PRKG1: variants seen among roughly 807,000 people sequenced by gnomAD.
PRKG1 encodes the protein protein kinase cGMP-dependent 1.
In PRKG1, 35 loss-of-function variants were observed where a neutral mutation model predicts 88.1. That is an observed-to-expected ratio of 0.40 (90% CI 0.30 to 0.53). The LOEUF (loss-of-function observed/expected upper bound fraction) is 0.53. Among genes scored for constraint, PRKG1 ranks in the 20% least tolerant of loss-of-function variants. The probability of loss-of-function intolerance (pLI) is 0.59; values close to 1 mark genes in which losing one functional copy is unlikely to be tolerated. For missense variants in PRKG1, 540 were observed against 839.8 expected (o/e 0.64, Z 4.41); for synonymous variants, 303 against 292.5 (o/e 1.04, Z -0.37).
At chr10:51,498,383 C>T (rs1840923061) in intron 3 of PRKG1, among the ~76,000 whole-genome samples, 1 of 152,130 alleles carries the variant, frequency 6.6e-6, no homozygotes. Flanking sequence ...GCTATGTTTA[C>T]ATTTCTCAAG....
intron 5 of PRKG1, among the ~76,000 whole-genome samples, chr10:52,043,902 G>T (rs1232097167): frequency 2.4e-5 from 3 of 124,410 alleles, no homozygotes; most frequent in African/African-American, 8.7e-5. Flanking sequence ...TCATTGAAGA[G>T]CCCAGTTAAA....
At chr10:51,233,435 C>A (rs1379583259) in intron 2 of PRKG1, among the ~76,000 whole-genome samples, 1 of 152,128 alleles carries the variant, frequency 6.6e-6, no homozygotes, top group Non-Finnish European at 1.5e-5. Context: ...AAAGACTAGA[C>A]AACCTTCAGT....
At chr10:51,461,130 G>A (rs865923204) in intron 2 of PRKG1, among the ~76,000 whole-genome samples, 2 of 152,042 alleles carry the variant, frequency 1.3e-5, no homozygotes, top group African/African-American at 4.8e-5. Flanking sequence ...TTAGTATAAC[G>A]AAAATTGTTT....
At chr10:52,106,744 T>TAATAATAATAATAATAAA (rs1268365466) in intron 7 of PRKG1, among the ~76,000 whole-genome samples, 1 of 133,440 alleles carries the variant, frequency 7.5e-6, no homozygotes, top group African/African-American at 2.6e-5. Flanking sequence ...ATAATAATAA[T>TAATAATAATAATAATAAA]AATAAAGTAA....
At chr10:52,112,431 C>T (rs11000807) in intron 7 of PRKG1, among the ~76,000 whole-genome samples, 1 of 151,934 alleles carries the variant, frequency 6.6e-6, no homozygotes, top group Non-Finnish European at 1.5e-5. Flanking sequence ...TCTAGTGTGA[C>T]TCATAAAGGG....
At chr10:51,850,712 T>C (rs1333103497) in intron 4 of PRKG1, among the ~76,000 whole-genome samples, 1 of 152,074 alleles carries the variant, frequency 6.6e-6, no homozygotes, top group Non-Finnish European at 1.5e-5. Flanking sequence ...AGCAGATAGT[T>C]TTTAAACGTA....
intron 1 of PRKG1, among the ~76,000 whole-genome samples, chr10:51,051,774 A>G (rs1046936514): frequency 2.0e-5 from 3 of 152,164 alleles, no homozygotes; most frequent in Non-Finnish European, 4.4e-5. Context: ...ACCTAGCGAC[A>G]TCTTAGATGA....
chr10:51,957,539 C>T (rs1017881355), intron 5 of PRKG1, among the ~76,000 whole-genome samples: 1 of 152,078 alleles, frequency 6.6e-6, no homozygotes, highest in African/African-American at 2.4e-5. Flanking sequence ...GCAATCTTCC[C>T]ATACTGGCTT....
At chr10:51,861,995 G>C (rs1208185426) in intron 4 of PRKG1, among the ~76,000 whole-genome samples, 1 of 152,132 alleles carries the variant, frequency 6.6e-6, no homozygotes, top group Non-Finnish European at 1.5e-5. Context: ...CTTGCATCTA[G>C]ATGAAGGGAA....
At chr10:51,533,185 T>C (rs1842058931) in intron 3 of PRKG1, among the ~76,000 whole-genome samples, 2 of 152,264 alleles carry the variant, frequency 1.3e-5, no homozygotes, top group Admixed American at 1.3e-4. Flanking sequence ...ATTGAAACTT[T>C]AGTTTATTAA....
chr10:52,107,148 TG>T (rs1847446367), intron 7 of PRKG1, among the ~76,000 whole-genome samples: 5 of 152,210 alleles, frequency 3.3e-5, no homozygotes, highest in South Asian at 4.1e-4. Flanking sequence ...CTGACCATTT[TG>T]TCATAGAAAC....
chr10:51,188,177 A>G (rs549434157), intron 2 of PRKG1, among the ~76,000 whole-genome samples: 3 of 152,126 alleles, frequency 2.0e-5, no homozygotes, highest in Non-Finnish European at 2.9e-5. Flanking sequence ...AGCTGTGTTT[A>G]TTGGCTGCCC....
At chr10:52,083,692 T>C (rs1846837556) in intron 7 of PRKG1, among the ~76,000 whole-genome samples, 1 of 151,994 alleles carries the variant, frequency 6.6e-6, no homozygotes, top group Admixed American at 6.6e-5. Context: ...TAAAGCAAAA[T>C]CTATTTTTTC....
intron 14 of PRKG1, among the ~76,000 whole-genome samples, chr10:52,285,808 C>CTGAA: frequency 6.6e-6 from 1 of 151,822 alleles, no homozygotes; most frequent in Non-Finnish European, 1.5e-5. Flanking sequence ...CATTACAGAA[C>CTGAA]TGAAAGTCAT....
At position 51,916,656 on chromosome 10, in the gene PRKG1, A is replaced by G. The variant is rs114680055; in HGVS notation, c.762+9086A>G. ...TTTCTTGTAACTGTATGACCTAGCA[A>G]TTCTGCTCCTAGGTGCATACCCAAG... On this transcript the variant is annotated intron_variant, in intron 5 of 17. Coordinates refer to ENST00000373980, the MANE Select transcript of PRKG1 (RefSeq NM_006258.4). Among the ~76,000 whole-genome samples, 1,428 of 152,294 alleles carry G rather than the reference A, an allele frequency of 9.4e-3. 20 individuals are homozygous for G. Among genetic ancestry groups the G allele is most frequent in the African/African-American group, 0.032 (1,334 of 41,566 alleles).
chr10:52,291,715 G>A (rs1159710963), intron 17 of PRKG1, among the ~76,000 whole-genome samples: 5 of 151,230 alleles, frequency 3.3e-5, no homozygotes, highest in Non-Finnish European at 7.4e-5. Context: ...ATAAACATAC[G>A]TGTGCATGTG....
At chr10:51,673,854 A>G (rs1840643818) in intron 3 of PRKG1, among the ~76,000 whole-genome samples, 1 of 152,204 alleles carries the variant, frequency 6.6e-6, no homozygotes, top group Admixed American at 6.5e-5. Context: ...GCAGCTATTT[A>G]TCTCATTCCT....
intron 7 of PRKG1, among the ~76,000 whole-genome samples, chr10:52,067,233 G>A (rs1214082189): frequency 6.6e-6 from 1 of 152,132 alleles, no homozygotes; most frequent in Non-Finnish European, 1.5e-5. Context: ...TGTAGAGCCA[G>A]CATTCTCTGT....
intron 3 of PRKG1, among the ~76,000 whole-genome samples, chr10:51,468,307 A>G (rs1839960814): frequency 1.3e-5 from 2 of 151,820 alleles, no homozygotes. Flanking sequence ...TATCTCCTGA[A>G]TTCTAAAACT....
Sources: allele counts gnomAD v4.1 joint callset (sites outside exome capture counted in the v4.1 genomes callset), GRCh38; gene constraint gnomAD v4.1.1; transcripts MANE v1.5; gene names NCBI Gene and HGNC (gene_info 2026-07-23, HGNC 2026-07-21).